ENOX1: variants seen among roughly 807,000 people sequenced by gnomAD.
ENOX1 encodes ecto-NOX disulfide-thiol exchanger 1, also known as candidate growth-related and time keeping constitutive hydroquinone (NADH) oxidase.
In ENOX1, 42 loss-of-function variants were observed where a neutral mutation model predicts 82.5. That is an observed-to-expected ratio of 0.51 (90% CI 0.40 to 0.66). The LOEUF is 0.66. ENOX1 is among the 30% of genes least tolerant of loss of function. The pLI is 0.00. For synonymous variants in ENOX1, 271 were observed against 282.2 expected, an observed-to-expected ratio of 0.96 and a Z score of 0.40; for missense variants, 608 against 811.6, an observed-to-expected ratio of 0.75 and a Z score of 3.05.
chr13:43,328,493 T>A (rs531495527), intron 9 of ENOX1, among the ~76,000 whole-genome samples: 6 of 152,116 alleles, frequency 3.9e-5, no homozygotes, highest in Admixed American at 3.9e-4. Flanking sequence ...TGAGACTGAG[T>A]GTTTGGTTGG....
intron 12 of ENOX1, among the ~76,000 whole-genome samples, chr13:43,274,130 G>A (rs2044861374): frequency 1.3e-5 from 2 of 152,192 alleles, no homozygotes; most frequent in African/African-American, 4.8e-5. Flanking sequence ...GAGGAAAACA[G>A]CAGTTTCATT....
intron 1 of ENOX1, among the ~76,000 whole-genome samples, chr13:43,717,436 T>C (rs2088227455): frequency 6.6e-6 from 1 of 152,162 alleles, no homozygotes; most frequent in Admixed American, 6.6e-5. Flanking sequence ...AATTATAAAA[T>C]TCCTAGAAGA....
At chr13:43,295,979 C>G (rs2046264009) in intron 12 of ENOX1, among the ~76,000 whole-genome samples, 1 of 152,164 alleles carries the variant, frequency 6.6e-6, no homozygotes, top group Admixed American at 6.5e-5. Context: ...CCTCTCAGGC[C>G]TTGGCTCTCC....
intron 11 of ENOX1, among the ~76,000 whole-genome samples, chr13:43,311,746 CACTGTAAAGAAGACAAAGGATATGGT>C (rs1415273958): frequency 6.6e-6 from 1 of 152,158 alleles, no homozygotes; most frequent in Non-Finnish European, 1.5e-5. Context: ...CTTAATCTGG[CACTGTAAAGAAGACAAAGGATATGGT>C]CCCACACACA....
chr13:43,756,957 CAACAAA>C (rs1204125458), intron 1 of ENOX1, among the ~76,000 whole-genome samples: 18 of 16,686 alleles, frequency 1.1e-3, no homozygotes, highest in Admixed American at 1.8e-3. Flanking sequence ...GTCTCAACAA[CAACAAA>C]AACAACAACA....
chr13:43,460,651 G>C (rs1175310229), intron 3 of ENOX1, among the ~76,000 whole-genome samples: 1 of 151,990 alleles, frequency 6.6e-6, no homozygotes, highest in African/African-American at 2.4e-5. Flanking sequence ...AAAATTAGCT[G>C]GGCATGGTGG....
At chr13:43,247,852 TATATATATATATATATATATATA>T (rs1566328874) in intron 14 of ENOX1, among the ~76,000 whole-genome samples, 257 of 2,824 alleles carry the variant, frequency 0.091, 26 homozygotes, top group East Asian at 0.24. Context: ...TATATATATA[TATATATATATATATATATATATA>T]TATATATATT....
chr13:43,676,033 A>G (rs1385403315), intron 1 of ENOX1, among the ~76,000 whole-genome samples: 1 of 152,182 alleles, frequency 6.6e-6, no homozygotes, highest in Non-Finnish European at 1.5e-5. Context: ...TAAATTATGA[A>G]CCACAAGGCA....
chr13:43,237,678 G>C (rs908982430), intron 14 of ENOX1, among the ~76,000 whole-genome samples: 1 of 152,180 alleles, frequency 6.6e-6, no homozygotes, highest in Non-Finnish European at 1.5e-5. Flanking sequence ...CCCTAGAACT[G>C]GAAGTGGTTA....
At chr13:43,353,788 AG>A (rs756703464) in intron 8 of ENOX1, among the ~76,000 whole-genome samples, 81 of 152,326 alleles carry the variant, frequency 5.3e-4, no homozygotes, top group Admixed American at 1.4e-3. Context: ...TCTTTCCTCA[AG>A]GGATCACACA....
intron 3 of ENOX1, among the ~76,000 whole-genome samples, chr13:43,452,824 C>T (rs1305084692): frequency 6.6e-6 from 1 of 152,076 alleles, no homozygotes; most frequent in African/African-American, 2.4e-5. Flanking sequence ...ACCTGGCCTA[C>T]CTTATTCTTT....
chr13:43,767,907 T>C (rs1951371052), intron 1 of ENOX1, among the ~76,000 whole-genome samples: 1 of 152,106 alleles, frequency 6.6e-6, no homozygotes, highest in Non-Finnish European at 1.5e-5. Flanking sequence ...CAGCTCCACC[T>C]GGCACTCAGC....
intron 2 of ENOX1, among the ~76,000 whole-genome samples, chr13:43,554,930 A>C (rs746928817): frequency 4.6e-5 from 7 of 152,182 alleles, no homozygotes; most frequent in African/African-American, 7.2e-5. Context: ...ACTCTTAAGC[A>C]ATGTTTTCTT....
chr13:43,296,509 T>C (rs1215197179), intron 12 of ENOX1, among the ~76,000 whole-genome samples: 11 of 152,194 alleles, frequency 7.2e-5, no homozygotes, highest in Non-Finnish European at 1.5e-5. Flanking sequence ...CTTGGACTTG[T>C]AGCCTTCAGA....
intron 2 of ENOX1, among the ~76,000 whole-genome samples, chr13:43,593,289 A>G (rs1407730575): frequency 3.3e-5 from 5 of 152,258 alleles, no homozygotes; most frequent in Admixed American, 3.3e-4. Flanking sequence ...GAAGGAACCA[A>G]ACGAATAAAT....
chr13:43,235,927 A>G (rs972837722), intron 15 of ENOX1, among the ~76,000 whole-genome samples: 12 of 152,268 alleles, frequency 7.9e-5, no homozygotes, highest in African/African-American at 2.9e-4. Context: ...GCATCACAGC[A>G]TGAGGGTGGT....
chr13:43,771,223 G>A (rs1194725800), intron 1 of ENOX1, among the ~76,000 whole-genome samples: 1 of 152,172 alleles, frequency 6.6e-6, no homozygotes, highest in Non-Finnish European at 1.5e-5. Context: ...TGACACAGCT[G>A]CCTCCAGAAA....
intron 14 of ENOX1, 84 bp from the exon 15 acceptor site, chr13:43,236,822 C>T: frequency 1.6e-6 from 1 of 632,518 alleles, no homozygotes. Context: ...CTCTTAAACT[C>T]TATAAATAAG....
chr13:43,719,264 A>C, intron 1 of ENOX1, among the ~76,000 whole-genome samples: 1 of 148,120 alleles, frequency 6.8e-6, no homozygotes, highest in Non-Finnish European at 1.5e-5. Flanking sequence ...TTTTATACCT[A>C]CCACTGAGTT....
Sources: allele counts gnomAD v4.1 joint callset (sites outside exome capture counted in the v4.1 genomes callset), GRCh38; gene constraint gnomAD v4.1.1; transcripts MANE v1.5; gene names NCBI Gene and HGNC (gene_info 2026-07-23, HGNC 2026-07-21).